FAM3C: variants seen among roughly 807,000 people sequenced by gnomAD.
FAM3C encodes the protein protein FAM3C.
A neutral mutation model predicts 32.5 loss-of-function variants in FAM3C; 15 were observed. The observed-to-expected ratio is 0.46, with a 90% confidence interval of 0.31 to 0.71. FAM3C has a LOEUF of 0.71. FAM3C is among the 30% of genes least tolerant of loss of function. The pLI is 0.05. For synonymous variants in FAM3C, 75 were observed against 86.1 expected (o/e 0.87, Z 0.72); for missense variants, 175 against 274.4 (o/e 0.64, Z 2.56).
intron 1 of FAM3C, among the ~76,000 whole-genome samples, chr7:121,389,137 GA>G (rs898719103): frequency 6.6e-6 from 1 of 152,142 alleles, no homozygotes; most frequent in Non-Finnish European, 1.5e-5. Context: ...TTTACCCAAA[GA>G]CTTAGTGTAG....
intron 4 of FAM3C, among the ~76,000 whole-genome samples, chr7:121,371,876 C>T (rs761428398): frequency 6.6e-6 from 1 of 152,144 alleles, no homozygotes; most frequent in Non-Finnish European, 1.5e-5. Context: ...CTCTTAACTC[C>T]TTCTCACACC....
chr7:121,359,684 AC>A (rs1793882381), intron 8 of FAM3C, among the ~76,000 whole-genome samples: 1 of 152,044 alleles, frequency 6.6e-6, no homozygotes, highest in Non-Finnish European at 1.5e-5. Context: ...CTTGAAATTT[AC>A]CCTAATGACA....
At chr7:121,367,680 T>C (rs1660781968) in intron 5 of FAM3C, among the ~76,000 whole-genome samples, 1 of 152,158 alleles carries the variant, frequency 6.6e-6, no homozygotes, top group South Asian at 2.1e-4. Flanking sequence ...GTTAGTTCTA[T>C]GGGTGCTCTA....
rs1465985846 is a variant in FAM3C, at chr7:121,350,226, T to C, written c.*235A>G. The C allele has an allele frequency of 2.8e-5, 14 of 492,074 alleles. No individual in the cohort carries two copies. The highest frequency in any genetic ancestry group is 4.7e-5 in the Non-Finnish European group (13 of 274,008). The allele number at this position is 492,074 out of a possible 1,614,324, so 30.5% of individuals were successfully genotyped here. On this transcript the variant is annotated 3_prime_UTR_variant, in exon 10 of 10. Coordinates refer to ENST00000359943, the MANE Select transcript of FAM3C (RefSeq NM_014888.3). The stretch of plus-strand genomic sequence containing the variant: ...TGTATTACCATAGCAGTCTAAACAT[T>C]GTACTTTTAGGGAAATGTGCGGAGA...
At chr7:121,353,376 G>T (rs754515703) in intron 8 of FAM3C, among the ~76,000 whole-genome samples, 8 of 152,156 alleles carry the variant, frequency 5.3e-5, no homozygotes, top group Non-Finnish European at 1.0e-4. Context: ...GAAACTTAAA[G>T]ATTGAGCTTT....
At chr7:121,386,650 T>C (rs559467929) in intron 1 of FAM3C, among the ~76,000 whole-genome samples, 4 of 151,092 alleles carry the variant, frequency 2.6e-5, no homozygotes, top group South Asian at 2.1e-4. Flanking sequence ...TATATGTCTA[T>C]ATATCTAGAG....
chr7:121,389,060 C>A (rs1794525439), intron 1 of FAM3C, among the ~76,000 whole-genome samples: 1 of 152,150 alleles, frequency 6.6e-6, no homozygotes, highest in Non-Finnish European at 1.5e-5. Flanking sequence ...CTGCTTCTCC[C>A]TCCACTTAAA....
intron 3 of FAM3C, among the ~76,000 whole-genome samples, chr7:121,376,342 G>A (rs377387291): frequency 1.5e-4 from 23 of 152,138 alleles, no homozygotes; most frequent in Non-Finnish European, 3.4e-4. Context: ...AAGGTCTGAC[G>A]GACAACGACT....
chr7:121,383,390 G>C (rs1212052899), intron 1 of FAM3C, among the ~76,000 whole-genome samples: 1 of 152,078 alleles, frequency 6.6e-6, no homozygotes, highest in Non-Finnish European at 1.5e-5. Flanking sequence ...TCTAGTTGTG[G>C]AACAAATTAT....
intron 8 of FAM3C, among the ~76,000 whole-genome samples, chr7:121,355,261 C>T (rs947419114): frequency 3.9e-5 from 6 of 152,134 alleles, no homozygotes; most frequent in Admixed American, 2.6e-4. Context: ...TGTAAACCCC[C>T]TCCCCCACTT....
At chr7:121,366,883 G>T (rs1360115716) in intron 5 of FAM3C, among the ~76,000 whole-genome samples, 5 of 152,160 alleles carry the variant, frequency 3.3e-5, no homozygotes, top group Admixed American at 2.6e-4. Flanking sequence ...AGAAGTAACT[G>T]CTGTGATTAA....
intron 5 of FAM3C, among the ~76,000 whole-genome samples, chr7:121,367,491 C>T (rs2116905912): frequency 6.6e-6 from 1 of 152,094 alleles, no homozygotes; most frequent in South Asian, 2.1e-4. Context: ...TACCTCTTTG[C>T]CCTCATAGCC....
intron 1 of FAM3C, among the ~76,000 whole-genome samples, chr7:121,395,083 A>T (rs577144939): frequency 3.3e-5 from 5 of 152,190 alleles, no homozygotes. Flanking sequence ...TGTGAGAATA[A>T]ATGAGCACAC....
chr7:121,380,439 A>G (rs1424796346), intron 2 of FAM3C, among the ~76,000 whole-genome samples: 1 of 152,152 alleles, frequency 6.6e-6, no homozygotes, highest in Non-Finnish European at 1.5e-5. Flanking sequence ...AAACTAACAC[A>G]GGAACAGAAA....
intron 6 of FAM3C, 25 bp downstream of exon 6, chr7:121,364,105 C>A (rs1793977390): frequency 6.7e-7 from 1 of 1,495,688 alleles, no homozygotes. Context: ...TGATTACATC[C>A]ATAAGCTAAA....
At chr7:121,389,963 A>G (rs751354746) in intron 1 of FAM3C, among the ~76,000 whole-genome samples, 6 of 152,192 alleles carry the variant, frequency 3.9e-5, no homozygotes, top group Admixed American at 6.5e-5. Context: ...ACCCCCATAT[A>G]CACCTAAGTT....
chr7:121,372,012 G>T, intron 4 of FAM3C, 98 bp downstream of exon 4: 1 of 845,386 alleles, frequency 1.2e-6, no homozygotes, highest in South Asian at 2.0e-5. Context: ...TTCTAAAGCA[G>T]TTTTTCCTCA....
chr7:121,380,996 T>A (rs1179494735), intron 2 of FAM3C, among the ~76,000 whole-genome samples: 1 of 152,098 alleles, frequency 6.6e-6, no homozygotes, highest in African/African-American at 2.4e-5. Context: ...AGAAAAGCTC[T>A]AAGGCAGACA....
intron 2 of FAM3C, among the ~76,000 whole-genome samples, chr7:121,381,058 C>A (rs1369306288): frequency 6.6e-6 from 1 of 152,104 alleles, no homozygotes; most frequent in Non-Finnish European, 1.5e-5. Flanking sequence ...AGTTCTGGAA[C>A]TTCTGTTACA....
Sources: allele counts gnomAD v4.1 joint callset (sites outside exome capture counted in the v4.1 genomes callset), GRCh38; gene constraint gnomAD v4.1.1; transcripts MANE v1.5; gene names NCBI Gene and HGNC (gene_info 2026-07-23, HGNC 2026-07-21).